BEND5: variants seen among roughly 807,000 people sequenced by gnomAD.
The protein encoded by BEND5 is BEN domain-containing protein 5.
In BEND5, 22 loss-of-function variants were observed where a neutral mutation model predicts 43.9. The observed-to-expected ratio is 0.50, with a 90% CI of 0.36 to 0.72. The LOEUF (loss-of-function observed/expected upper bound fraction) is 0.72, where lower values mean the gene tolerates loss of function less well. Ranked by LOEUF, BEND5 falls within the 30% of genes least tolerant of loss-of-function variation. The pLI, the probability that BEND5 is intolerant of heterozygous loss-of-function variation, is 0.00. For missense variants in BEND5, 428 were observed against 550.6 expected (o/e 0.78, Z 2.23); for synonymous variants, 228 against 225.9 (o/e 1.01, Z -0.08).
chr1:48,728,563 T>C (rs1647586728), intron 5 of BEND5, among the ~76,000 whole-genome samples: 1 of 151,884 alleles, frequency 6.6e-6, no homozygotes. Flanking sequence ...TCATTTTCAC[T>C]GATGAGTAGT....
At chr1:48,741,712 A>G (rs1649937175) in intron 4 of BEND5, among the ~76,000 whole-genome samples, 1 of 152,238 alleles carries the variant, frequency 6.6e-6, no homozygotes, top group South Asian at 2.1e-4. Context: ...CCTAACAGAG[A>G]ATGATACTAA....
At position 48,727,898 on chromosome 1, in the gene BEND5, G is replaced by C. The variant is rs773234583; in HGVS notation, c.1254C>G (p.Tyr418Ter). 6.2e-7 allele frequency: 1 copy of C among 1,603,668 alleles called. No homozygotes were observed. The highest frequency in any genetic ancestry group is 1.3e-5 in the African/African-American group (1 of 74,562). ...CKNEERREAK[Y>*]NLQ ...AAAAATCCAAAGTTTATTGCAAATT[G>C]TATTTTGCTTCCCTTCGTTCTTCAT... Residue 418 changes from tyrosine to a stop codon, truncating the protein, a stop_gained, in exon 6 of 6, where the codon TAC becomes TAG. Transcript: ENST00000371833. LOFTEE classifies it high-confidence loss of function.
chr1:48,731,458 G>A (rs1218203388), intron 5 of BEND5, among the ~76,000 whole-genome samples: 1 of 152,158 alleles, frequency 6.6e-6, no homozygotes, highest in Non-Finnish European at 1.5e-5. Flanking sequence ...AGTCTCCTAG[G>A]AGGCAAAGAT....
At chr1:48,747,475 G>A (rs1047521783) in intron 3 of BEND5, among the ~76,000 whole-genome samples, 7 of 152,166 alleles carry the variant, frequency 4.6e-5, no homozygotes, top group African/African-American at 1.7e-4. Context: ...AGGCACTGGG[G>A]ACCCAGAGAC....
At chr1:48,741,956 C>T (rs1649980569) in intron 4 of BEND5, among the ~76,000 whole-genome samples, 1 of 152,220 alleles carries the variant, frequency 6.6e-6, no homozygotes, top group Non-Finnish European at 1.5e-5. Flanking sequence ...GCTGGTATAT[C>T]ATCATGTGAC....
chr1:48,741,730 G>A (rs1435562738), intron 4 of BEND5, among the ~76,000 whole-genome samples: 2 of 152,196 alleles, frequency 1.3e-5, no homozygotes, highest in African/African-American at 4.8e-5. Context: ...TAAATAAACA[G>A]AGACCTTTTG....
At chr1:48,734,008 C>T (rs1192032413) in intron 5 of BEND5, among the ~76,000 whole-genome samples, 2 of 152,160 alleles carry the variant, frequency 1.3e-5, no homozygotes, top group African/African-American at 4.8e-5. Context: ...GAGTCACGTT[C>T]CAACAAACAT....
In BEND5 at chr1:48,727,613, G is replaced by A. The variant is rs1647376713; in HGVS notation, c.*273C>T. 1 of 256,946 alleles carries A rather than the reference G, an allele frequency of 3.9e-6. No homozygotes were observed. Among genetic ancestry groups the A allele is most frequent in the Non-Finnish European group, 7.4e-6 (1 of 135,672 alleles). 15.9% of individuals were successfully genotyped at this position (256,946 alleles called of 1,614,324 possible). A position where few individuals can be genotyped will look rare whatever the true frequency, so the allele number is the denominator to read the frequency against. ...AAATATCCATTCAAACCCCAGTCAA[G>A]TGACAGGCAACTCAGGCAACCTTAT... On this transcript the variant is annotated 3_prime_UTR_variant, in exon 6 of 6. Coordinates refer to ENST00000371833, the MANE Select transcript of BEND5 (RefSeq NM_024603.4).
At chr1:48,743,735 A>G (rs765865399) in intron 3 of BEND5, among the ~76,000 whole-genome samples, 11 of 152,218 alleles carry the variant, frequency 7.2e-5, no homozygotes, top group Non-Finnish European at 1.6e-4. Context: ...CATGTGGACA[A>G]CTGGGTACAA....
intron 5 of BEND5, among the ~76,000 whole-genome samples, chr1:48,731,735 T>C (rs1648170077): frequency 6.6e-6 from 1 of 152,162 alleles, no homozygotes; most frequent in Non-Finnish European, 1.5e-5. Context: ...TTCACCATGG[T>C]AATAACTTAA....
chr1:48,760,184 C>T (rs1348956557), intron 2 of BEND5, among the ~76,000 whole-genome samples: 1 of 152,202 alleles, frequency 6.6e-6, no homozygotes, highest in East Asian at 1.9e-4. Context: ...AGGACCCCCT[C>T]CAGAGCTTGG....
At chr1:48,763,962 C>A (rs1276864687) in intron 1 of BEND5, among the ~76,000 whole-genome samples, 1 of 152,176 alleles carries the variant, frequency 6.6e-6, no homozygotes, top group Non-Finnish European at 1.5e-5. Context: ...AGAACTCTGA[C>A]CACATAATCC....
Position 48,736,099 on chromosome 1 carries a change from C to T in BEND5, c.1108+140G>A, listed in dbSNP as rs557754986. ...GCTCTTCTGGGGCATTTGGGTTATC[C>T]GCTTGGTGTCCCCGGGCTCAGCCCA... is the stretch of plus-strand genomic sequence containing the variant. On this transcript the variant is annotated intron_variant, in intron 5 of 5. Coordinates refer to ENST00000371833, the MANE Select transcript of BEND5 (RefSeq NM_024603.4). The surrounding 1 kb of genome is among the most constrained non-coding windows in gnomAD (Gnocchi z 4.0). 52 of 898,196 alleles carry T rather than the reference C, an allele frequency of 5.8e-5. No homozygotes were observed. In the East Asian group the frequency reaches 7.2e-4, roughly 12 times the overall value. 55.6% of individuals were successfully genotyped at this position (898,196 alleles called of 1,614,324 possible). A position where few individuals can be genotyped will look rare whatever the true frequency, so the allele number is the denominator to read the frequency against.
chr1:48,775,747 C>A (rs1645046292), intron 1 of BEND5, among the ~76,000 whole-genome samples: 1 of 152,230 alleles, frequency 6.6e-6, no homozygotes, highest in Non-Finnish European at 1.5e-5. Flanking sequence ...TTCCCTATCA[C>A]CAACTGAACC....
chr1:48,741,587 A>G (rs1430359953), intron 4 of BEND5, among the ~76,000 whole-genome samples: 2 of 152,246 alleles, frequency 1.3e-5, no homozygotes, highest in African/African-American at 2.4e-5. Flanking sequence ...GAGAGTCCTG[A>G]AAACTAATAC....
At chr1:48,731,079 C>T (rs1201070480) in intron 5 of BEND5, among the ~76,000 whole-genome samples, 1 of 152,156 alleles carries the variant, frequency 6.6e-6, no homozygotes, top group African/African-American at 2.4e-5. Context: ...AAAGGCTTTT[C>T]TATTTTTTTA....
intron 4 of BEND5, among the ~76,000 whole-genome samples, chr1:48,741,788 A>G (rs1649950726): frequency 6.6e-6 from 1 of 152,212 alleles, no homozygotes; most frequent in Non-Finnish European, 1.5e-5. Flanking sequence ...GTTAAGGAGA[A>G]CGAGAGGCGA....
intron 3 of BEND5, among the ~76,000 whole-genome samples, chr1:48,748,625 T>C (rs952632664): frequency 6.6e-6 from 1 of 151,826 alleles, no homozygotes; most frequent in Non-Finnish European, 1.5e-5. Flanking sequence ...TAGGGTGGGG[T>C]AGTTCTCATA....
At chr1:48,741,836 G>A (rs575915499) in intron 4 of BEND5, among the ~76,000 whole-genome samples, 220 of 152,302 alleles carry the variant, frequency 1.4e-3, no homozygotes, top group Middle Eastern at 3.4e-3. Context: ...AGAACATAAC[G>A]CTAAAGCTGA....
Sources: gnomAD v4.1 joint callset for allele counts (sites outside exome capture counted in the v4.1 genomes callset) on GRCh38, gnomAD v4.1.1 for gene constraint, Gnocchi (gnomAD v3.1) non-coding constraint, MANE v1.5 for transcripts, NCBI Gene and HGNC (gene_info 2026-07-23, HGNC 2026-07-21) for gene names.